Variants in ZCCHC24 observed in about 807,000 individuals in gnomAD.
The protein encoded by ZCCHC24 is zinc finger CCHC domain-containing protein 24.
A neutral mutation model predicts 26.2 loss-of-function variants in ZCCHC24; 10 were observed. The ratio of observed to expected loss-of-function variants is 0.38; its 90% CI spans 0.24 to 0.65. The LOEUF (loss-of-function observed/expected upper bound fraction) is 0.65. Ranked by LOEUF, ZCCHC24 falls within the 30% of genes least tolerant of loss-of-function variation. ZCCHC24 has a pLI of 0.54. For synonymous variants in ZCCHC24, 144 were observed against 147.1 expected (o/e 0.98, Z 0.15); for missense variants, 243 against 329.1 (o/e 0.74, Z 2.03).
chr10:79,404,456 G>A (rs1172155871), intron 2 of ZCCHC24, among the ~76,000 whole-genome samples: 2 of 152,176 alleles, frequency 1.3e-5, no homozygotes, highest in Non-Finnish European at 2.9e-5. Flanking sequence ...GAAAGCTTCC[G>A]AATCACAGGG....
chr10:79,419,599 T>C (rs1446348763), intron 2 of ZCCHC24, among the ~76,000 whole-genome samples: 1 of 152,258 alleles, frequency 6.6e-6, no homozygotes, highest in Admixed American at 6.5e-5. Flanking sequence ...CCTGGCACAC[T>C]GGAGGCCCTT....
intron 2 of ZCCHC24, among the ~76,000 whole-genome samples, chr10:79,402,019 G>T (rs1856639884): frequency 1.3e-5 from 2 of 152,348 alleles, no homozygotes; most frequent in African/African-American, 4.8e-5. Flanking sequence ...AGAGGCCACA[G>T]GGGTGGGGCA....
At chr10:79,440,955 C>T (rs1307341475) in intron 1 of ZCCHC24, among the ~76,000 whole-genome samples, 8 of 152,248 alleles carry the variant, frequency 5.3e-5, no homozygotes, top group Middle Eastern at 6.8e-3. Context: ...TCTCAAATGA[C>T]GGTCCTCCTT....
Position 79,382,818 on chromosome 10 carries a change from G to A in ZCCHC24, c.*3527C>T, listed in dbSNP as rs1375397391. 1 of 152,820 alleles carries A rather than the reference G, an allele frequency of 6.5e-6. No homozygotes were observed. Among genetic ancestry groups the A allele is most frequent in the African/African-American group, 2.4e-5 (1 of 41,462 alleles). The allele number at this position is 152,820 out of a possible 1,614,324, so 9.5% of individuals were successfully genotyped here. ...AGTTCAAGGAGCATGGCCTGGAGGA[G>A]GCGTGGCTCAGATGGCAAAGCTCCC... On this transcript the variant is annotated 3_prime_UTR_variant, in exon 4 of 4. Coordinates refer to ENST00000372336, the MANE Select transcript of ZCCHC24 (RefSeq NM_153367.4).
intron 2 of ZCCHC24, among the ~76,000 whole-genome samples, chr10:79,428,975 A>G (rs1857088151): frequency 6.6e-6 from 1 of 152,216 alleles, no homozygotes; most frequent in African/African-American, 2.4e-5. Context: ...TAAAGAGTTC[A>G]GAGCAGTCAT....
At chr10:79,401,126 AAGACTCCAG>A (rs1269795213) in intron 2 of ZCCHC24, among the ~76,000 whole-genome samples, 2 of 152,238 alleles carry the variant, frequency 1.3e-5, no homozygotes, top group Admixed American at 6.5e-5. Flanking sequence ...CCTGCACGCC[AAGACTCCAG>A]GCTGCACTGT....
intron 2 of ZCCHC24, among the ~76,000 whole-genome samples, chr10:79,415,416 C>CCA (rs1856846260): frequency 1.3e-5 from 2 of 152,202 alleles, no homozygotes; most frequent in Admixed American, 1.3e-4. Context: ...CACACACTGG[C>CCA]CACACATTTA....
intron 1 of ZCCHC24, among the ~76,000 whole-genome samples, chr10:79,433,283 A>T (rs1292963273): frequency 2.0e-5 from 3 of 152,202 alleles, no homozygotes; most frequent in East Asian, 3.9e-4. Flanking sequence ...GCTTCACACT[A>T]GACAAGACTG....
chr10:79,432,939 T>C, intron 1 of ZCCHC24, among the ~76,000 whole-genome samples, 181 bp from the exon 2 acceptor site: 1 of 152,194 alleles, frequency 6.6e-6, no homozygotes, highest in East Asian at 1.9e-4. Flanking sequence ...TTAACTACTC[T>C]GGGCCTCAGT....
intron 1 of ZCCHC24, among the ~76,000 whole-genome samples, chr10:79,433,801 G>T (rs1857176467): frequency 6.6e-6 from 1 of 152,206 alleles, no homozygotes; most frequent in Admixed American, 6.5e-5. Flanking sequence ...CCTCTGAAAG[G>T]AAGGGCCTCA....
chr10:79,427,062 T>G (rs920507727), intron 2 of ZCCHC24, among the ~76,000 whole-genome samples: 10 of 151,752 alleles, frequency 6.6e-5, no homozygotes, highest in African/African-American at 9.7e-5. Flanking sequence ...CAAAATATAC[T>G]TTAAAACAAA....
rs887813961 is a variant in ZCCHC24, at chr10:79,445,491, T to C, written c.-51A>G. 1 of 1,293,182 alleles carries C rather than the reference T, an allele frequency of 7.7e-7. No homozygotes were observed. The highest frequency in any genetic ancestry group is 3.2e-5 in the East Asian group (1 of 31,476). The allele number at this position is 1,293,182 out of a possible 1,614,324, so 80.1% of individuals were successfully genotyped here. On this transcript the variant is annotated 5_prime_UTR_variant, in exon 1 of 4. Transcript: ENST00000372336. ...CCCGGCCGCCCGCTCGCGGCCCCCC[T>C]CCGCAGCGGAGGGGCGGGCACCGGG...
At chr10:79,409,295 G>C (rs771407847) in intron 2 of ZCCHC24, 1 of 152,268 alleles carries the variant, frequency 6.6e-6, no homozygotes, top group Non-Finnish European at 1.5e-5. Context: ...CCCTGGCTGC[G>C]GAAGCTCTTT....
chr10:79,390,604 TGCTTGGCCTGCCACTGG>T (rs1358132694), intron 3 of ZCCHC24, among the ~76,000 whole-genome samples: 8 of 152,208 alleles, frequency 5.3e-5, no homozygotes, highest in African/African-American at 1.9e-4. Flanking sequence ...TGCTCAGCCC[TGCTTGGCCTGCCACTGG>T]GCGAGGAGCC....
At chr10:79,411,994 C>A (rs1265994997) in intron 2 of ZCCHC24, among the ~76,000 whole-genome samples, 4 of 152,200 alleles carry the variant, frequency 2.6e-5, no homozygotes, top group Admixed American at 2.6e-4. Flanking sequence ...CTCCCAGAAG[C>A]CCAGAAGGCC....
chr10:79,413,758 GCA>G (rs1856823297), intron 2 of ZCCHC24, among the ~76,000 whole-genome samples: 1 of 92,896 alleles, frequency 1.1e-5, no homozygotes, highest in African/African-American at 3.9e-5. Context: ...ATGTGCGTGC[GCA>G]TGTGTGTGTG....
chr10:79,408,370 A>T (rs1428487772), intron 2 of ZCCHC24, among the ~76,000 whole-genome samples: 1 of 152,130 alleles, frequency 6.6e-6, no homozygotes, highest in Non-Finnish European at 1.5e-5. Context: ...GTATCTGACC[A>T]GCTTGATGCC....
chr10:79,442,129 C>T (rs928681585), intron 1 of ZCCHC24, among the ~76,000 whole-genome samples: 7 of 152,206 alleles, frequency 4.6e-5, no homozygotes, highest in African/African-American at 1.7e-4. Context: ...TTAGGAATCC[C>T]TTTCCAAAAA....
chr10:79,407,817 C>T (rs1374210770), intron 2 of ZCCHC24, among the ~76,000 whole-genome samples: 2 of 152,180 alleles, frequency 1.3e-5, no homozygotes, highest in Non-Finnish European at 2.9e-5. Flanking sequence ...GACAGTGAGG[C>T]TGCTGGGCTT....
Sources: allele counts gnomAD v4.1 joint callset (sites outside exome capture counted in the v4.1 genomes callset), GRCh38; gene constraint gnomAD v4.1.1; transcripts MANE v1.5; gene names NCBI Gene and HGNC (gene_info 2026-07-23, HGNC 2026-07-21).